The following ERC2 variants were observed in gnomAD, a reference collection of about 807,000 sequenced individuals.
The protein encoded by ERC2 is ERC protein 2.
In ERC2, 42 loss-of-function variants were observed where a neutral mutation model predicts 114.8. That is an observed-to-expected ratio of 0.37 (90% confidence interval 0.29 to 0.47). The LOEUF is 0.47. Ranked by LOEUF, ERC2 falls within the 20% of genes least tolerant of loss-of-function variation. The pLI is 0.99. For synonymous variants in ERC2, 454 were observed against 425.5 expected, an observed-to-expected ratio of 1.07 and a Z score of -0.82; for missense variants, 939 against 1,150.7, an observed-to-expected ratio of 0.82 and a Z score of 2.66.
chr3:56,431,502 A>T (rs556407833), intron 2 of ERC2, among the ~76,000 whole-genome samples: 100 of 152,348 alleles, frequency 6.6e-4, no homozygotes, highest in African/African-American at 2.4e-3. Flanking sequence ...CGTCCCACAG[A>T]GTCACCTGAC....
rs1205934001 is a variant in ERC2 at position 56,007,167 on chromosome 3, T to C, written c.2061+14A>G. On this transcript the variant is annotated intron_variant, in intron 10 of 17. Transcript: ENST00000288221. ...TTTAAATAAGCATGATTCTTTTTCT[T>C]AGACTTCACTTACCTTTTTTAACTG... 6 of 1,541,316 alleles carry C rather than the reference T, an allele frequency of 3.9e-6. No individual in the cohort carries two copies. The highest frequency in any genetic ancestry group is 5.2e-6 in the Non-Finnish European group (6 of 1,145,074).
intron 6 of ERC2, among the ~76,000 whole-genome samples, chr3:56,094,284 C>T (rs1300647294): frequency 6.6e-6 from 1 of 151,954 alleles, no homozygotes; most frequent in East Asian, 1.9e-4. Flanking sequence ...TTTTGAGATG[C>T]CCTCTGTGGC....
chr3:55,706,939 A>G (rs2063522330), intron 15 of ERC2, among the ~76,000 whole-genome samples: 1 of 152,212 alleles, frequency 6.6e-6, no homozygotes, highest in African/African-American at 2.4e-5. Flanking sequence ...ATTCATATTG[A>G]GACTCAGACT....
At chr3:55,795,682 G>T (rs1167971828) in intron 14 of ERC2, among the ~76,000 whole-genome samples, 1 of 152,174 alleles carries the variant, frequency 6.6e-6, no homozygotes, top group Non-Finnish European at 1.5e-5. Flanking sequence ...TAGAGGGACT[G>T]GATATCAGCT....
At chr3:55,673,451 C>T (rs182044646) in intron 17 of ERC2, among the ~76,000 whole-genome samples, 3 of 152,232 alleles carry the variant, frequency 2.0e-5, no homozygotes, top group East Asian at 1.9e-4. Context: ...GGCATGGTGG[C>T]GCACGCCTGT....
chr3:55,761,672 T>C (rs772852594), intron 14 of ERC2, among the ~76,000 whole-genome samples: 22 of 152,076 alleles, frequency 1.4e-4, no homozygotes, highest in Non-Finnish European at 2.8e-4. Context: ...GGGAGGGACC[T>C]GGTGAGGGGT....
chr3:56,151,268 T>A (rs759065993), intron 4 of ERC2, among the ~76,000 whole-genome samples: 1 of 152,122 alleles, frequency 6.6e-6, no homozygotes, highest in Non-Finnish European at 1.5e-5. Flanking sequence ...GGTTTCACCA[T>A]GTTGGCCAGG....
At chr3:56,303,475 T>G (rs2056027461) in intron 2 of ERC2, among the ~76,000 whole-genome samples, 1 of 152,156 alleles carries the variant, frequency 6.6e-6, no homozygotes, top group Non-Finnish European at 1.5e-5. Flanking sequence ...CCCAGGACAA[T>G]GAAGGAGGTC....
chr3:55,569,347 T>G (rs2056568585), intron 17 of ERC2, among the ~76,000 whole-genome samples: 1 of 152,162 alleles, frequency 6.6e-6, no homozygotes, highest in South Asian at 2.1e-4. Context: ...CTCCTTCCAT[T>G]CCGATGGCAT....
intron 13 of ERC2, among the ~76,000 whole-genome samples, chr3:55,929,849 C>G (rs2065970761): frequency 6.6e-6 from 1 of 152,200 alleles, no homozygotes; most frequent in South Asian, 2.1e-4. Flanking sequence ...TTCCCTTCCC[C>G]TTCTGCCATG....
intron 13 of ERC2, among the ~76,000 whole-genome samples, chr3:55,910,835 A>G (rs2064756149): frequency 6.6e-6 from 1 of 152,238 alleles, no homozygotes; most frequent in Admixed American, 6.5e-5. Flanking sequence ...CTACAGTCTG[A>G]TAACCACTAG....
rs76998784 is a variant in ERC2, at chr3:55,799,867, A to T, written c.2565-64949T>A. ...TCTTCGTTCCATTGACCCAACAGTC[A>T]GAGTAGGGGTCACCATTACTGCTAT... On this transcript the variant is annotated intron_variant, in intron 14 of 17. Coordinates refer to ENST00000288221, the MANE Select transcript of ERC2 (RefSeq NM_015576.3). Among the ~76,000 whole-genome samples the T allele has an allele frequency of 3.3e-3, 500 of 152,274 alleles. 3 individuals carry two copies. Among genetic ancestry groups the T allele is most frequent in the African/African-American group, 0.012 (478 of 41,554 alleles).
At chr3:55,846,473 T>A (rs1411808179) in intron 14 of ERC2, among the ~76,000 whole-genome samples, 1 of 152,230 alleles carries the variant, frequency 6.6e-6, no homozygotes, top group Non-Finnish European at 1.5e-5. Flanking sequence ...TGCACATGCC[T>A]CTATGGTAGA....
chr3:55,690,450 G>T (rs182622861), intron 16 of ERC2, among the ~76,000 whole-genome samples: 2 of 152,156 alleles, frequency 1.3e-5, no homozygotes, highest in Non-Finnish European at 2.9e-5. Flanking sequence ...AGACAAATGC[G>T]ACTGGATTAA....
At chr3:56,072,637 T>C (rs1323562704) in intron 7 of ERC2, among the ~76,000 whole-genome samples, 2 of 152,148 alleles carry the variant, frequency 1.3e-5, no homozygotes, top group Non-Finnish European at 1.5e-5. Context: ...CTAGATCAAA[T>C]GTATGAAAAG....
intron 14 of ERC2, among the ~76,000 whole-genome samples, chr3:55,782,764 C>A (rs905559027): frequency 5.9e-5 from 9 of 152,300 alleles, no homozygotes; most frequent in African/African-American, 2.2e-4. Context: ...TTCCCCCTCT[C>A]CCCCACATTC....
At chr3:56,427,194 G>A (rs948148304) in intron 2 of ERC2, among the ~76,000 whole-genome samples, 1 of 151,748 alleles carries the variant, frequency 6.6e-6, no homozygotes, top group East Asian at 1.9e-4. Context: ...TCACAGTGGA[G>A]TAAGATTAGA....
intron 4 of ERC2, among the ~76,000 whole-genome samples, chr3:56,170,510 C>T (rs181568888): frequency 3.3e-5 from 5 of 151,678 alleles, no homozygotes; most frequent in Admixed American, 3.3e-4. Flanking sequence ...TTGAAGCTCA[C>T]CCTTAGTTCC....
At chr3:56,149,754 G>A (rs1051719800) in intron 4 of ERC2, among the ~76,000 whole-genome samples, 1 of 152,072 alleles carries the variant, frequency 6.6e-6, no homozygotes, top group Non-Finnish European at 1.5e-5. Context: ...TTTATTTGGC[G>A]AGCAGTCAGG....
Sources: allele counts gnomAD v4.1 joint callset (sites outside exome capture counted in the v4.1 genomes callset), GRCh38; gene constraint gnomAD v4.1.1; transcripts MANE v1.5; gene names NCBI Gene and HGNC (gene_info 2026-07-23, HGNC 2026-07-21).